Variants in PRKG1 observed in about 807,000 individuals in gnomAD.
PRKG1 encodes protein kinase cGMP-dependent 1.
PRKG1 carries 35 observed loss-of-function variants against 88.1 expected under a neutral mutation model. The observed-to-expected ratio is 0.40, with a 90% CI of 0.30 to 0.53. The LOEUF is 0.53. Among genes scored for constraint, PRKG1 ranks in the 20% least tolerant of loss-of-function variants. The probability of loss-of-function intolerance (pLI) is 0.59; values close to 1 mark genes in which losing one functional copy is unlikely to be tolerated. For missense variants in PRKG1, 540 were observed against 839.8 expected, an observed-to-expected ratio of 0.64 and a Z score of 4.41; for synonymous variants, 303 against 292.5, an observed-to-expected ratio of 1.04 and a Z score of -0.37.
chr10:51,829,642 T>A (rs982481790), intron 4 of PRKG1, among the ~76,000 whole-genome samples: 1 of 152,222 alleles, frequency 6.6e-6, no homozygotes, highest in African/African-American at 2.4e-5. Flanking sequence ...TCTAAAGGAC[T>A]ATGACATCTT....
intron 5 of PRKG1, among the ~76,000 whole-genome samples, chr10:52,031,716 C>G (rs1845479072): frequency 6.6e-6 from 1 of 152,150 alleles, no homozygotes; most frequent in Non-Finnish European, 1.5e-5. Context: ...TATATGGACT[C>G]TGTTCTAATT....
At chr10:51,651,151 A>AC (rs1257209444) in intron 3 of PRKG1, among the ~76,000 whole-genome samples, 2 of 152,164 alleles carry the variant, frequency 1.3e-5, no homozygotes, top group African/African-American at 2.4e-5. Context: ...TACTGATTAT[A>AC]CCACTGACTT....
rs540244787 is a variant in PRKG1 at position 52,148,896 on chromosome 10, G to A, written c.1002-12993G>A. On this transcript the variant is annotated intron_variant, in intron 8 of 17. Coordinates refer to ENST00000373980, the MANE Select transcript of PRKG1 (RefSeq NM_006258.4). The stretch of plus-strand genomic sequence containing the variant: ...AGGCTGAGAATTAATGAAAAATGAG[G>A]ATAAGACATAGGAAAAGCAGCTTCT... 2.9e-4 allele frequency among the ~76,000 whole-genome samples: 43 copies of A among 150,096 alleles called. No homozygotes were observed. The South Asian group carries it at 8.6e-3, about 30-fold the overall frequency.
intron 3 of PRKG1, among the ~76,000 whole-genome samples, chr10:51,504,354 T>C (rs1841130646): frequency 6.6e-6 from 1 of 152,190 alleles, no homozygotes; most frequent in South Asian, 2.1e-4. Flanking sequence ...ACCAGTACCA[T>C]GCTATTTTGG....
At chr10:51,753,261 GAAATTTTGATCCT>G (rs1181454636) in intron 3 of PRKG1, among the ~76,000 whole-genome samples, 2 of 152,040 alleles carry the variant, frequency 1.3e-5, no homozygotes, top group Non-Finnish European at 2.9e-5. Flanking sequence ...TACATATCAT[GAAATTTTGATCCT>G]TAGCCTACCT....
chr10:52,118,132 G>A (rs930265326), intron 7 of PRKG1, among the ~76,000 whole-genome samples: 4 of 151,800 alleles, frequency 2.6e-5, no homozygotes, highest in Non-Finnish European at 5.9e-5. Context: ...CTCTACAAAG[G>A]TAATACTAGA....
intron 1 of PRKG1, among the ~76,000 whole-genome samples, chr10:51,019,785 A>G (rs1172644243): frequency 6.6e-6 from 1 of 152,108 alleles, no homozygotes; most frequent in Non-Finnish European, 1.5e-5. Context: ...AGAACTCCTG[A>G]AACTAAGCAA....
chr10:51,898,091 G>A (rs749200068), intron 4 of PRKG1, among the ~76,000 whole-genome samples: 2 of 151,954 alleles, frequency 1.3e-5, no homozygotes, highest in African/African-American at 4.8e-5. Flanking sequence ...AATCTACCAG[G>A]CACTTAAAAA....
intron 3 of PRKG1, among the ~76,000 whole-genome samples, chr10:51,734,439 G>GACTATAT (rs2132476748): frequency 6.6e-6 from 1 of 152,034 alleles, no homozygotes; most frequent in South Asian, 2.1e-4. Context: ...TTATTTCAGT[G>GACTATAT]ACTATATAAT....
intron 3 of PRKG1, among the ~76,000 whole-genome samples, chr10:51,629,493 G>T (rs1839470140): frequency 6.6e-6 from 1 of 151,480 alleles, no homozygotes; most frequent in South Asian, 2.1e-4. Context: ...AAAGTGTGTT[G>T]CTTATGTCCA....
intron 7 of PRKG1, chr10:52,128,035 A>G: frequency 1.0e-6 from 1 of 983,804 alleles, no homozygotes; most frequent in African/African-American, 1.7e-5. Context: ...ATTTCCTATC[A>G]ATTTTGATTA....
At chr10:51,761,522 G>T (rs75810590) in intron 3 of PRKG1, among the ~76,000 whole-genome samples, 6,079 of 152,194 alleles carry the variant, frequency 0.04, 414 homozygotes, top group African/African-American at 0.14. Context: ...TGAACCCAAG[G>T]GCACAGCTGA....
At chr10:51,558,165 A>G (rs1837363336) in intron 3 of PRKG1, among the ~76,000 whole-genome samples, 1 of 152,084 alleles carries the variant, frequency 6.6e-6, no homozygotes, top group Admixed American at 6.6e-5. Flanking sequence ...CAGATATTAA[A>G]TTTAAGTGTG....
chr10:51,793,036 TG>T (rs1261959239), intron 3 of PRKG1, among the ~76,000 whole-genome samples: 1 of 138,864 alleles, frequency 7.2e-6, no homozygotes, highest in African/African-American at 2.7e-5. Flanking sequence ...CATTATTAAG[TG>T]AAAAAAAAAG....
At chr10:51,850,556 C>T (rs1197331335) in intron 4 of PRKG1, among the ~76,000 whole-genome samples, 1 of 151,716 alleles carries the variant, frequency 6.6e-6, no homozygotes, top group East Asian at 1.9e-4. Flanking sequence ...TCAGCAAAAC[C>T]AGAAGGCCAA....
chr10:51,630,473 A>T (rs1439973466), intron 3 of PRKG1, among the ~76,000 whole-genome samples: 1 of 152,172 alleles, frequency 6.6e-6, no homozygotes, highest in Non-Finnish European at 1.5e-5. Context: ...AAATATACTG[A>T]CACAAAATGA....
chr10:52,157,467 A>T (rs1314466560), intron 8 of PRKG1, among the ~76,000 whole-genome samples: 1 of 150,922 alleles, frequency 6.6e-6, no homozygotes, highest in Non-Finnish European at 1.5e-5. Flanking sequence ...TTCTGTCTAG[A>T]TGAAGTCTCA....
chr10:51,828,339 T>C (rs1410144703), intron 4 of PRKG1, among the ~76,000 whole-genome samples: 1 of 152,132 alleles, frequency 6.6e-6, no homozygotes, highest in Non-Finnish European at 1.5e-5. Flanking sequence ...TTTTAACATA[T>C]TGATAAGGGC....
rs575164985 is a variant in PRKG1 at position 52,279,737 on chromosome 10, C to A, written c.1404-1052C>A. ...CTCTGAAGCTATCATTTGTTGTACA[C>A]TGTCTATTAATAAAATCACTTGTGT... On this transcript the variant is annotated intron_variant, in intron 12 of 17. Transcript: ENST00000373980. Among the ~76,000 whole-genome samples, 6 of 152,174 alleles carry A rather than the reference C, an allele frequency of 3.9e-5. No homozygotes were observed. The South Asian group carries it at 1.0e-3, about 26-fold the overall frequency.
Sources: allele counts gnomAD v4.1 joint callset (sites outside exome capture counted in the v4.1 genomes callset), GRCh38; gene constraint gnomAD v4.1.1; transcripts MANE v1.5; gene names NCBI Gene and HGNC (gene_info 2026-07-23, HGNC 2026-07-21).